The following ST6GALNAC5 variants were observed in gnomAD, a reference collection of about 807,000 sequenced individuals.
ST6GALNAC5 encodes the protein ST6 N-acetylgalactosaminide alpha-2,6-sialyltransferase 5, also known as alpha-N-acetylgalactosaminide alpha-2,6-sialyltransferase 5.
A neutral mutation model predicts 33.6 loss-of-function variants in ST6GALNAC5; 27 were observed. The observed-to-expected ratio is 0.80, with a 90% CI of 0.59 to 1.11. The LOEUF is 1.11. Ranked by LOEUF, ST6GALNAC5 falls within the 50% of genes least tolerant of loss-of-function variation. ST6GALNAC5 has a pLI of 0.00. For missense variants in ST6GALNAC5, 428 were observed against 454.0 expected, an observed-to-expected ratio of 0.94 and a Z score of 0.52; for synonymous variants, 194 against 171.2, an observed-to-expected ratio of 1.13 and a Z score of -1.04.
At chr1:76,908,897 T>C (rs900088363) in intron 2 of ST6GALNAC5, among the ~76,000 whole-genome samples, 11 of 152,228 alleles carry the variant, frequency 7.2e-5, no homozygotes, top group African/African-American at 1.4e-4. Flanking sequence ...ATGCAATTCT[T>C]TGATGCTCTA....
At chr1:76,903,281 A>C (rs899580860) in intron 2 of ST6GALNAC5, among the ~76,000 whole-genome samples, 3 of 152,198 alleles carry the variant, frequency 2.0e-5, no homozygotes, top group African/African-American at 7.2e-5. Flanking sequence ...AGCACACGGA[A>C]AGATTCTCAA....
intron 2 of ST6GALNAC5, among the ~76,000 whole-genome samples, chr1:76,984,002 A>G (rs563262773): frequency 6.6e-6 from 1 of 152,382 alleles, no homozygotes; most frequent in South Asian, 2.1e-4. Flanking sequence ...TCTGGGACAC[A>G]TTTAAAGCAG....
At chr1:76,950,274 T>C (rs1211320400) in intron 2 of ST6GALNAC5, among the ~76,000 whole-genome samples, 1 of 152,138 alleles carries the variant, frequency 6.6e-6, no homozygotes, top group Non-Finnish European at 1.5e-5. Flanking sequence ...GAATCTGGTA[T>C]CAAGAACAGT....
intron 2 of ST6GALNAC5, among the ~76,000 whole-genome samples, chr1:76,937,666 G>A (rs1647224280): frequency 6.6e-6 from 1 of 152,034 alleles, no homozygotes; most frequent in African/African-American, 2.4e-5. Context: ...AAGATGTTAG[G>A]ACCGTGAGAA....
intron 2 of ST6GALNAC5, among the ~76,000 whole-genome samples, chr1:76,881,978 C>G (rs576965538): frequency 6.1e-4 from 93 of 152,258 alleles, no homozygotes; most frequent in Non-Finnish European, 1.1e-3. Context: ...AACATCATTA[C>G]CATAAGAGAA....
intron 2 of ST6GALNAC5, among the ~76,000 whole-genome samples, chr1:76,991,033 C>T (rs1454543980): frequency 6.6e-6 from 1 of 152,124 alleles, no homozygotes; most frequent in Non-Finnish European, 1.5e-5. Flanking sequence ...ATCTCACCCT[C>T]TCTGTGTCAC....
At chr1:77,021,686 C>G (rs959437767) in intron 2 of ST6GALNAC5, among the ~76,000 whole-genome samples, 1 of 152,156 alleles carries the variant, frequency 6.6e-6, no homozygotes, top group African/African-American at 2.4e-5. Context: ...CCTTTCTCCT[C>G]TCTGATTGCT....
chr1:76,926,401 G>A (rs1264817314), intron 2 of ST6GALNAC5, among the ~76,000 whole-genome samples: 1 of 152,050 alleles, frequency 6.6e-6, no homozygotes, highest in Non-Finnish European at 1.5e-5. Context: ...ACACACACAG[G>A]TATCTCTGTA....
intron 4 of ST6GALNAC5, among the ~76,000 whole-genome samples, chr1:77,052,479 A>G (rs997887388): frequency 8.5e-5 from 13 of 152,208 alleles, no homozygotes; most frequent in African/African-American, 2.7e-4. Flanking sequence ...TGAGAATTAA[A>G]TGAGATAATA....
intron 2 of ST6GALNAC5, among the ~76,000 whole-genome samples, chr1:76,904,893 T>C (rs1372149494): frequency 2.0e-5 from 3 of 151,928 alleles, no homozygotes; most frequent in Non-Finnish European, 2.9e-5. Flanking sequence ...AGTTCAAAAA[T>C]AGGCTAAATG....
At chr1:77,022,988 G>A (rs953957185) in intron 2 of ST6GALNAC5, among the ~76,000 whole-genome samples, 1 of 152,178 alleles carries the variant, frequency 6.6e-6, no homozygotes, top group African/African-American at 2.4e-5. Flanking sequence ...ACGTACTTAA[G>A]GAGGTAATTA....
chr1:76,979,188 C>T (rs907932988), intron 2 of ST6GALNAC5, among the ~76,000 whole-genome samples: 2 of 151,938 alleles, frequency 1.3e-5, no homozygotes, highest in African/African-American at 4.8e-5. Flanking sequence ...TTAAAATGTT[C>T]GTATTACCTA....
intron 2 of ST6GALNAC5, among the ~76,000 whole-genome samples, chr1:76,969,201 G>A (rs986820398): frequency 7.2e-5 from 11 of 152,300 alleles, no homozygotes; most frequent in South Asian, 4.1e-4. Context: ...AGGGCAAGCC[G>A]AAGCAGGGTG....
At chr1:76,992,490 T>G (rs1391120010) in intron 2 of ST6GALNAC5, among the ~76,000 whole-genome samples, 1 of 21,126 alleles carries the variant, frequency 4.7e-5, no homozygotes, top group East Asian at 2.7e-3. Flanking sequence ...GTGGTCCCTC[T>G]TTAATTTAAT....
At position 76,874,933 on chromosome 1, in the gene ST6GALNAC5, T is replaced by A. The variant is rs113856594; in HGVS notation, c.261+6191T>A. Among the ~76,000 whole-genome samples the A allele has an allele frequency of 1.2e-3, 190 of 152,214 alleles. 2 individuals carry two copies. The highest frequency in any genetic ancestry group is 4.6e-3 in the African/African-American group (189 of 41,528). On this transcript the variant is annotated intron_variant, in intron 2 of 4. Coordinates refer to ENST00000477717, the MANE Select transcript of ST6GALNAC5 (RefSeq NM_030965.3). The stretch of plus-strand genomic sequence containing the variant: ...AATAATGCCTAACATAATAAAACTA[T>A]CCTTCATACAACTGGAAACACACCA...
At chr1:76,873,918 C>T (rs774393154) in intron 2 of ST6GALNAC5, among the ~76,000 whole-genome samples, 1 of 152,158 alleles carries the variant, frequency 6.6e-6, no homozygotes, top group African/African-American at 2.4e-5. Flanking sequence ...AGGAAGAACA[C>T]AATCCCTACC....
intron 2 of ST6GALNAC5, among the ~76,000 whole-genome samples, chr1:76,942,219 A>C (rs1345583575): frequency 1.3e-5 from 2 of 152,156 alleles, no homozygotes; most frequent in Non-Finnish European, 2.9e-5. Flanking sequence ...CTAACCTGTA[A>C]CATAAGAACA....
chr1:76,950,315 G>A (rs1372575631), intron 2 of ST6GALNAC5, among the ~76,000 whole-genome samples: 1 of 152,076 alleles, frequency 6.6e-6, no homozygotes, highest in Non-Finnish European at 1.5e-5. Flanking sequence ...AATAATGGTA[G>A]TTACATATAC....
chr1:76,964,191 T>C (rs536940584), intron 2 of ST6GALNAC5, among the ~76,000 whole-genome samples: 6 of 152,236 alleles, frequency 3.9e-5, no homozygotes, highest in Non-Finnish European at 8.8e-5. Flanking sequence ...TTTGTGGTAA[T>C]TTGTAACAGC....
Sources: allele counts gnomAD v4.1 joint callset (sites outside exome capture counted in the v4.1 genomes callset), GRCh38; gene constraint gnomAD v4.1.1; transcripts MANE v1.5; gene names NCBI Gene and HGNC (gene_info 2026-07-23, HGNC 2026-07-21).